The following KIAA1671 variants were observed in gnomAD, a reference collection of about 807,000 sequenced individuals.
KIAA1671 encodes the protein KIAA1671.
Under a neutral mutation model 131.2 loss-of-function variants are expected in KIAA1671, and 52 were observed. The ratio of observed to expected loss-of-function variants is 0.40; its 90% confidence interval spans 0.32 to 0.50. KIAA1671 has a LOEUF of 0.50. Among genes scored for constraint, KIAA1671 ranks in the 20% least tolerant of loss-of-function variants. KIAA1671 has a pLI of 0.73. For missense variants in KIAA1671, 2,360 were observed against 2,364.2 expected, an observed-to-expected ratio of 1.00 and a Z score of 0.04; for synonymous variants, 1,003 against 961.6, an observed-to-expected ratio of 1.04 and a Z score of -0.80.
chr22:25,038,699 TC>T, intron 4 of KIAA1671, 60 bp from the exon 5 acceptor site: 1 of 1,455,392 alleles, frequency 6.9e-7, no homozygotes, highest in Non-Finnish European at 9.1e-7. Context: ...CTCCACTTTT[TC>T]CTTTCCATCT....
chr22:25,115,592 G>T (rs1931611016), intron 6 of KIAA1671, among the ~76,000 whole-genome samples: 1 of 152,028 alleles, frequency 6.6e-6, no homozygotes, highest in Non-Finnish European at 1.5e-5. Flanking sequence ...CTTTTTGGGG[G>T]GCTCAGACTG....
At chr22:24,979,789 G>A (rs1439611635) in intron 1 of KIAA1671, among the ~76,000 whole-genome samples, 1 of 152,052 alleles carries the variant, frequency 6.6e-6, no homozygotes, top group Non-Finnish European at 1.5e-5. Context: ...CCCATCCCAT[G>A]CCGCCTCCCC....
chr22:25,100,721 G>T (rs888744917), intron 6 of KIAA1671, among the ~76,000 whole-genome samples: 2 of 152,224 alleles, frequency 1.3e-5, no homozygotes, highest in African/African-American at 4.8e-5. Context: ...ACTGTGAGTT[G>T]AGACTATGCT....
intron 11 of KIAA1671, among the ~76,000 whole-genome samples, chr22:25,190,258 A>G (rs1305202412): frequency 3.3e-5 from 5 of 152,242 alleles, no homozygotes; most frequent in South Asian, 4.1e-4. Flanking sequence ...GAAGCTCGCA[A>G]CCTAGATCCC....
intron 6 of KIAA1671, among the ~76,000 whole-genome samples, chr22:25,122,447 A>G (rs1259491365): frequency 6.6e-6 from 1 of 152,278 alleles, no homozygotes. Flanking sequence ...CCCTTAGTCT[A>G]CATGTTATTA....
rs916502885 is a variant in KIAA1671, at chr22:25,047,662, G to A, written c.4396-1568G>A. On this transcript the variant is annotated intron_variant, in intron 5 of 12. Coordinates refer to ENST00000358431, the MANE Select transcript of KIAA1671 (RefSeq NM_001145206.2). ...TAATTTTCGTATTTGTAGTAGAGACGGGGTTTCACCATGTTGGCGAGGCTG... is the reference window on the plus strand; with the variant it reads ...TAATTTTCGTATTTGTAGTAGAGACAGGGTTTCACCATGTTGGCGAGGCTG... 3.6e-4 allele frequency among the ~76,000 whole-genome samples: 55 copies of A among 152,198 alleles called. No individual in the cohort carries two copies. In the South Asian group the frequency reaches 0.011, roughly 30 times the overall value.
chr22:24,962,034 G>T (rs1161850261), intron 1 of KIAA1671, among the ~76,000 whole-genome samples: 1 of 152,252 alleles, frequency 6.6e-6, no homozygotes, highest in Non-Finnish European at 1.5e-5. Flanking sequence ...GGGAAGCTCA[G>T]AGATATTACT....
intron 6 of KIAA1671, among the ~76,000 whole-genome samples, chr22:25,151,157 A>G (rs1008615173): frequency 6.6e-6 from 1 of 151,706 alleles, no homozygotes; most frequent in African/African-American, 2.4e-5. Context: ...TAAAAGAATT[A>G]CTCAAGCAAA....
intron 7 of KIAA1671, among the ~76,000 whole-genome samples, chr22:25,172,120 A>T (rs1463728404): frequency 6.6e-6 from 1 of 152,156 alleles, no homozygotes; most frequent in Non-Finnish European, 1.5e-5. Flanking sequence ...ACTTAAATTT[A>T]TCTAGAATAC....
chr22:25,041,629 A>G, intron 5 of KIAA1671, 104 bp downstream of exon 5: 2 of 1,209,070 alleles, frequency 1.7e-6, no homozygotes, highest in Non-Finnish European at 2.2e-6. Context: ...TACATAAATG[A>G]GTGGAGTCAG....
At chr22:25,103,857 C>T (rs973765411) in intron 6 of KIAA1671, among the ~76,000 whole-genome samples, 2 of 152,288 alleles carry the variant, frequency 1.3e-5, no homozygotes, top group South Asian at 2.1e-4. Context: ...ATCACTAATA[C>T]GACTCACGCT....
intron 6 of KIAA1671, among the ~76,000 whole-genome samples, chr22:25,083,500 C>T (rs1601294786): frequency 6.6e-6 from 1 of 152,266 alleles, no homozygotes; most frequent in South Asian, 2.1e-4. Flanking sequence ...TCTTTTTATC[C>T]TCACAACAGT....
intron 8 of KIAA1671, 52 bp downstream of exon 8, chr22:25,174,541 T>C: frequency 6.8e-7 from 1 of 1,470,308 alleles, no homozygotes; most frequent in Non-Finnish European, 9.0e-7. Context: ...CCAGCCTCTC[T>C]CTGTGAATTG....
At chr22:25,189,126 C>CTTTTTTTTTTTTTTTTTTTTTTTTTTT (rs200226589) in intron 11 of KIAA1671, among the ~76,000 whole-genome samples, 125 of 114,800 alleles carry the variant, frequency 1.1e-3, no homozygotes, top group Non-Finnish European at 1.3e-3. Context: ...CAGTCTTTTT[C>CTTTTTTTTTTTTTTTTTTTTTTTTTTT]TTTTTTTTTT....
chr22:25,049,402 G>C, intron 6 of KIAA1671, 38 bp downstream of exon 6: 1 of 1,534,880 alleles, frequency 6.5e-7, no homozygotes, highest in Non-Finnish European at 8.8e-7. Context: ...ATTGCACAGG[G>C]GTGCTGGTTG....
chr22:25,189,576 C>A (rs1173477280), intron 11 of KIAA1671, among the ~76,000 whole-genome samples: 3 of 152,138 alleles, frequency 2.0e-5, no homozygotes, highest in Non-Finnish European at 2.9e-5. Flanking sequence ...TAAATGTTAA[C>A]CTCATCTAAG....
chr22:24,958,980 C>CAAAAAAAA (rs59084421), intron 1 of KIAA1671, among the ~76,000 whole-genome samples: 2 of 77,564 alleles, frequency 2.6e-5, no homozygotes, highest in Non-Finnish European at 6.1e-5. Flanking sequence ...AACTTCGTAT[C>CAAAAAAAA]AAAAAAAAAA....
intron 6 of KIAA1671, among the ~76,000 whole-genome samples, chr22:25,138,821 C>G (rs957647318): frequency 6.6e-6 from 1 of 152,144 alleles, no homozygotes; most frequent in Non-Finnish European, 1.5e-5. Context: ...TGCTGAGTAG[C>G]TCTTGGTGCC....
At position 25,093,759 on chromosome 22, in the gene KIAA1671, TCTCTCTCTGTC is replaced by T. The variant is rs1568951125; in HGVS notation, c.4530+44396_4530+44406del. 2.9e-3 allele frequency among the ~76,000 whole-genome samples: 346 copies of T among 117,366 alleles called. 2 individuals carry two copies. The highest frequency in any genetic ancestry group is 4.4e-3 in the South Asian group (15 of 3,412). The allele number at this position is 117,366 out of a possible 152,430, so 77.0% of individuals were successfully genotyped here. Reference sequence around the variant, plus strand: ...CACACTCTCTCTCTCTCTCTCTCTCTCTCTCTCTGTCTCTCTCTCTCTCTCTCTCTCTCTCT... The same window carrying T: ...CACACTCTCTCTCTCTCTCTCTCTCTTCTCTCTCTCTCTCTCTCTCTCTCT... On this transcript the variant is annotated intron_variant, in intron 6 of 12. Coordinates refer to ENST00000358431, the MANE Select transcript of KIAA1671 (RefSeq NM_001145206.2).
Sources: gnomAD v4.1 joint callset for allele counts (sites outside exome capture counted in the v4.1 genomes callset) on GRCh38, gnomAD v4.1.1 for gene constraint, MANE v1.5 for transcripts, NCBI Gene and HGNC (gene_info 2026-07-23, HGNC 2026-07-21) for gene names.